RAB3GAP2: variants seen among roughly 807,000 people sequenced by gnomAD.
RAB3GAP2 encodes the protein rab3 GTPase-activating protein non-catalytic subunit.
RAB3GAP2 carries 87 observed loss-of-function variants against 185.3 expected under a neutral mutation model. That is an observed-to-expected ratio of 0.47 (90% confidence interval 0.39 to 0.56). The LOEUF (loss-of-function observed/expected upper bound fraction) is 0.56, where lower values mean the gene tolerates loss of function less well. Among genes scored for constraint, RAB3GAP2 ranks in the 20% least tolerant of loss-of-function variants. The pLI, the probability that RAB3GAP2 is intolerant of heterozygous loss-of-function variation, is 0.00. For synonymous variants in RAB3GAP2, 554 were observed against 576.1 expected (o/e 0.96, Z 0.55); for missense variants, 1,492 against 1,638.2 (o/e 0.91, Z 1.54).
At chr1:220,163,744 C>CATACATAT (rs775527991) in intron 27 of RAB3GAP2, among the ~76,000 whole-genome samples, 15,642 of 122,146 alleles carry the variant, frequency 0.13, 1,143 homozygotes, top group East Asian at 0.18. Flanking sequence ...TAAATACATA[C>CATACATAT]ATATATATAT....
chr1:220,167,876 G>A (rs780350725), intron 24 of RAB3GAP2, among the ~76,000 whole-genome samples: 13 of 152,194 alleles, frequency 8.5e-5, no homozygotes, highest in South Asian at 2.1e-4. Flanking sequence ...GGATATTTAC[G>A]ATGTCAGGGC....
chr1:220,270,478 T>C (rs1212450587), intron 1 of RAB3GAP2, among the ~76,000 whole-genome samples: 2 of 152,216 alleles, frequency 1.3e-5, no homozygotes, highest in Non-Finnish European at 1.5e-5. Flanking sequence ...ATGCAAAAGG[T>C]TGAAAATCTG....
At chr1:220,243,325 G>C (rs1262507816) in intron 1 of RAB3GAP2, among the ~76,000 whole-genome samples, 1 of 146,550 alleles carries the variant, frequency 6.8e-6, no homozygotes, top group Non-Finnish European at 1.5e-5. Flanking sequence ...CTGCACTCCA[G>C]CCTGGGTGAC....
chr1:220,204,674 C>T (rs556900034), intron 8 of RAB3GAP2, among the ~76,000 whole-genome samples: 5 of 151,864 alleles, frequency 3.3e-5, no homozygotes, highest in African/African-American at 7.2e-5. Context: ...CATATTGGTG[C>T]GCTGCACCCA....
At chr1:220,167,256 A>T (rs754270426) in intron 26 of RAB3GAP2, 37 bp downstream of exon 26, 22 of 1,552,452 alleles carry the variant, frequency 1.4e-5, no homozygotes, top group Non-Finnish European at 2.0e-5. Flanking sequence ...TGAACACAGA[A>T]GCAGAAATAA....
intron 1 of RAB3GAP2, among the ~76,000 whole-genome samples, chr1:220,246,906 AAAAT>A (rs371768003): frequency 7.2e-5 from 11 of 152,080 alleles, no homozygotes; most frequent in East Asian, 5.8e-4. Context: ...TGTATAATAA[AAAAT>A]AAATAAATAA....
chr1:220,241,488 G>A (rs1316175008), intron 1 of RAB3GAP2, among the ~76,000 whole-genome samples: 2 of 152,024 alleles, frequency 1.3e-5, no homozygotes, highest in Non-Finnish European at 2.9e-5. Context: ...TAAAAAGTAA[G>A]AACCTCTACA....
chr1:220,172,301 T>C (rs527260724), intron 22 of RAB3GAP2, among the ~76,000 whole-genome samples: 25 of 152,314 alleles, frequency 1.6e-4, no homozygotes, highest in Non-Finnish European at 2.4e-4. Context: ...CTGAAAACTG[T>C]TGAATATTTT....
chr1:220,183,942 A>AATTCTTAAT, intron 19 of RAB3GAP2, 94 bp downstream of exon 19: 1 of 1,138,530 alleles, frequency 8.8e-7, no homozygotes, highest in Non-Finnish European at 1.2e-6. Flanking sequence ...CTTTAAAAAA[A>AATTCTTAAT]ATTCTTAATT....
chr1:220,210,261 T>C (rs1659054127), intron 7 of RAB3GAP2, 127 bp downstream of exon 7: 2 of 781,068 alleles, frequency 2.6e-6, no homozygotes, highest in Admixed American at 3.4e-5. Context: ...TTCTAGACTA[T>C]GATAGCAGAG....
intron 31 of RAB3GAP2, among the ~76,000 whole-genome samples, chr1:220,155,157 A>G (rs2102850821): frequency 6.6e-6 from 1 of 152,384 alleles, no homozygotes; most frequent in East Asian, 1.9e-4. Context: ...GAAATGTAAT[A>G]CAGAGCAAAG....
chr1:220,164,360 T>C (rs1330984924), intron 27 of RAB3GAP2, among the ~76,000 whole-genome samples: 3 of 152,070 alleles, frequency 2.0e-5, no homozygotes, highest in Non-Finnish European at 4.4e-5. Flanking sequence ...AGTCAGCTGC[T>C]TGGGGAACAG....
chr1:220,221,448 C>T (rs1659305798), intron 2 of RAB3GAP2, among the ~76,000 whole-genome samples: 1 of 152,140 alleles, frequency 6.6e-6, no homozygotes, highest in African/African-American at 2.4e-5. Context: ...TTGGACTGAG[C>T]TAATCTGTTC....
At chr1:220,247,519 C>T (rs774389768) in intron 1 of RAB3GAP2, among the ~76,000 whole-genome samples, 2 of 152,102 alleles carry the variant, frequency 1.3e-5, no homozygotes, top group Non-Finnish European at 2.9e-5. Context: ...AAGCAAAAAC[C>T]GTATGTCCTC....
Position 220,253,808 on chromosome 1 carries a change from A to G in RAB3GAP2, c.115+18415T>C, listed in dbSNP as rs187972470. The G allele has an allele frequency of 8.1e-6, 13 of 1,612,210 alleles. No individual in the cohort carries two copies. In the East Asian group the frequency reaches 1.8e-4, roughly 22 times the overall value. On this transcript the variant is annotated intron_variant, in intron 1 of 34. Transcript: ENST00000358951. ...AAACAGCGAGAACTTCAAAAAGCCA[A>G]TCAGGAGCAGTATGCAGAGGGGAAG...
intron 1 of RAB3GAP2, among the ~76,000 whole-genome samples, chr1:220,270,306 T>G (rs1374908707): frequency 6.6e-6 from 1 of 152,250 alleles, no homozygotes; most frequent in Non-Finnish European, 1.5e-5. Context: ...GCTTTAGTAC[T>G]CAGTGCATTT....
chr1:220,267,565 G>T (rs770676065), intron 1 of RAB3GAP2: 28 of 1,374,380 alleles, frequency 2.0e-5, no homozygotes, highest in Non-Finnish European at 2.8e-5. Flanking sequence ...TCATTTTTCT[G>T]TTTTGATGCC....
chr1:220,223,206 TTGTC>T (rs1182267938), intron 2 of RAB3GAP2, among the ~76,000 whole-genome samples: 5 of 152,114 alleles, frequency 3.3e-5, no homozygotes, highest in African/African-American at 4.8e-5. Context: ...ACATGTCACT[TTGTC>T]TGACCACAAC....
intron 17 of RAB3GAP2, among the ~76,000 whole-genome samples, chr1:220,189,310 C>T (rs527683690): frequency 6.6e-5 from 10 of 151,982 alleles, no homozygotes; most frequent in Admixed American, 6.6e-4. Context: ...CTCCGCCTCC[C>T]AGGTTCAAAT....
Sources: allele counts gnomAD v4.1 joint callset (sites outside exome capture counted in the v4.1 genomes callset), GRCh38; gene constraint gnomAD v4.1.1; transcripts MANE v1.5; gene names NCBI Gene and HGNC (gene_info 2026-07-23, HGNC 2026-07-21).